SHROOM2: variants seen among roughly 807,000 people sequenced by gnomAD.
SHROOM2 encodes protein Shroom2.
SHROOM2 carries 33 observed loss-of-function variants against 75.9 expected under a neutral mutation model. The ratio of observed to expected loss-of-function variants is 0.43; its 90% CI spans 0.33 to 0.58. The LOEUF (loss-of-function observed/expected upper bound fraction) is 0.58. Ranked by LOEUF, SHROOM2 falls within the 20% of genes least tolerant of loss-of-function variation. The pLI, the probability that SHROOM2 is intolerant of heterozygous loss-of-function variation, is 0.04. For synonymous variants in SHROOM2, 655 were observed against 663.6 expected, an observed-to-expected ratio of 0.99 and a Z score of 0.20; for missense variants, 1,434 against 1,461.2, an observed-to-expected ratio of 0.98 and a Z score of 0.30.
At chrX:9,841,627 T>G (rs950045030) in intron 1 of SHROOM2, among the ~76,000 whole-genome samples, 5 of 111,742 alleles carry the variant, frequency 4.5e-5, no homozygotes, top group Non-Finnish European at 9.4e-5. Flanking sequence ...GCAGTTATAG[T>G]TGGAGGCCTT....
chrX:9,804,587 G>T (rs1029312217), intron 1 of SHROOM2, among the ~76,000 whole-genome samples: 1 of 111,534 alleles, frequency 9.0e-6, no homozygotes, highest in African/African-American at 3.3e-5. Context: ...CTCTGGAAAC[G>T]TGCCATCTGA....
intron 5 of SHROOM2, among the ~76,000 whole-genome samples, chrX:9,929,691 T>C (rs2084629255): frequency 8.9e-6 from 1 of 111,981 alleles, no homozygotes; most frequent in Non-Finnish European, 1.9e-5. Flanking sequence ...ACTTGGATTT[T>C]AGCAATAAAT....
intron 1 of SHROOM2, among the ~76,000 whole-genome samples, chrX:9,788,941 G>A (rs545317616): frequency 5.4e-5 from 6 of 110,976 alleles, no homozygotes; most frequent in Middle Eastern, 9.2e-3. Context: ...AATCTCTTTT[G>A]TTAGATTAAC....
chrX:9,907,897 A>G (rs915175657), intron 5 of SHROOM2, among the ~76,000 whole-genome samples: 1 of 111,824 alleles, frequency 8.9e-6, no homozygotes, highest in Non-Finnish European at 1.9e-5. Flanking sequence ...GATGGCTCCT[A>G]GGGCTGAAAA....
chrX:9,940,579 C>G (rs191234718), intron 8 of SHROOM2, among the ~76,000 whole-genome samples: 1 of 112,129 alleles, frequency 8.9e-6, no homozygotes, highest in Admixed American at 9.5e-5. Flanking sequence ...CATCCCAGCT[C>G]TCTATGGTGC....
At chrX:9,836,761 A>G (rs142070887) in intron 1 of SHROOM2, among the ~76,000 whole-genome samples, 4,182 of 111,219 alleles carry the variant, frequency 0.038, 85 homozygotes, top group Non-Finnish European at 0.06. Flanking sequence ...CATTTTAAGT[A>G]TACAATTCAG....
chrX:9,844,590 A>G (rs1430920677), intron 1 of SHROOM2, among the ~76,000 whole-genome samples: 2 of 111,490 alleles, frequency 1.8e-5, no homozygotes, highest in Non-Finnish European at 3.8e-5. Context: ...AGGTGGGCAG[A>G]TCACCTGAGG....
rs745426648 is a variant in SHROOM2 at position 9,845,782 on chromosome X, G to T, written c.166-27870G>T. Among the ~76,000 whole-genome samples the T allele has an allele frequency of 2.8e-5, 3 of 108,917 alleles. No individual in the cohort carries two copies. The East Asian group carries it at 8.7e-4, about 32-fold the overall frequency. The allele number at this position is 108,917 out of a possible 115,157, so 94.6% of individuals were successfully genotyped here. A position where few individuals can be genotyped will look rare whatever the true frequency, so the allele number is the denominator to read the frequency against. ...CATAATTCCTGGCAGCTGCAGTGTC[G>T]CAACCCCTTCCTCTACATTTTGTGG... On this transcript the variant is annotated intron_variant, in intron 1 of 9. Coordinates refer to ENST00000380913, the MANE Select transcript of SHROOM2 (RefSeq NM_001649.4).
chrX:9,943,191 A>G (rs1313078567), intron 8 of SHROOM2, among the ~76,000 whole-genome samples: 2 of 109,857 alleles, frequency 1.8e-5, no homozygotes, highest in Non-Finnish European at 3.8e-5. Context: ...ATGCCACTGC[A>G]CTCCAGCCTG....
At chrX:9,930,082 C>T (rs187016332) in intron 5 of SHROOM2, among the ~76,000 whole-genome samples, 78 of 111,641 alleles carry the variant, frequency 7.0e-4, no homozygotes, top group Non-Finnish European at 2.3e-4. Context: ...AGCGTGAAAA[C>T]GAACTAATAC....
rs185720649 is a variant in SHROOM2, at chrX:9,919,843, A to C, written c.2892-12332A>C. On this transcript the variant is annotated intron_variant, in intron 5 of 9. Coordinates refer to ENST00000380913, the MANE Select transcript of SHROOM2 (RefSeq NM_001649.4). Reference sequence around the variant, plus strand: ...CTACAACTCATCAGACTGACATCTCAAATCACTACAGCTCATCACAGAGTA... The same window carrying C: ...CTACAACTCATCAGACTGACATCTCCAATCACTACAGCTCATCACAGAGTA... Among the ~76,000 whole-genome samples the C allele has an allele frequency of 1.3e-4, 14 of 111,341 alleles. No individual in the cohort carries two copies. The Admixed American group carries it at 1.3e-3, about 11-fold the overall frequency.
At position 9,932,240 on chromosome X, in the gene SHROOM2, C is replaced by T; in HGVS notation, c.2957C>T (p.Ala986Val). 8.5e-7 allele frequency: 1 copy of T among 1,175,789 alleles called. No homozygotes were observed. Among genetic ancestry groups the T allele is most frequent in the South Asian group, 1.9e-5 (1 of 51,933 alleles). ...CAGCAGCACCCACCGAGTCAGAAGG[C>T]ACCGAACCCACCCACATTCTCTGAA... ...GSQQHPPSQK[A>V]PNPPTFSELS... The change falls in exon 6 of 10, where the codon GCA becomes GTA. Residue 986 changes from alanine (A) to valine (V), a missense_variant. Ala to Val is a moderately conservative substitution (Grantham distance 64, BLOSUM62 0). This residue lies in a region of SHROOM2 where 1,340 missense variants were observed against 1,338.3 expected (regional missense o/e 1.00). Transcript: ENST00000380913.
chrX:9,833,608 C>CTG (rs144161839), intron 1 of SHROOM2, among the ~76,000 whole-genome samples: 5,356 of 95,257 alleles, frequency 0.056, 251 homozygotes, highest in African/African-American at 0.16. Flanking sequence ...CAAGTAGACT[C>CTG]TGTGTGTGTG....
At chrX:9,804,141 T>G (rs1417931180) in intron 1 of SHROOM2, among the ~76,000 whole-genome samples, 4 of 111,478 alleles carry the variant, frequency 3.6e-5, no homozygotes, top group Non-Finnish European at 7.5e-5. Context: ...CCGTCTTCCT[T>G]TGACAACTCC....
chrX:9,836,323 C>T (rs1395606463), intron 1 of SHROOM2, among the ~76,000 whole-genome samples: 1 of 111,776 alleles, frequency 8.9e-6, no homozygotes, highest in African/African-American at 3.3e-5. Context: ...TCTGCAGGGC[C>T]TCAGAGATTG....
At chrX:9,897,570 G>A (rs5933781) in intron 4 of SHROOM2, among the ~76,000 whole-genome samples, 299 of 91,178 alleles carry the variant, frequency 3.3e-3, no homozygotes, top group African/African-American at 0.011. Flanking sequence ...AAAAAAAAAA[G>A]AAAAAAAAAA....
At chrX:9,925,302 A>G (rs991392792) in intron 5 of SHROOM2, among the ~76,000 whole-genome samples, 1 of 112,124 alleles carries the variant, frequency 8.9e-6, no homozygotes, top group African/African-American at 3.2e-5. Context: ...CCTGACCCGC[A>G]TTCTGAGGCC....
intron 5 of SHROOM2, among the ~76,000 whole-genome samples, chrX:9,924,638 G>A (rs893022489): frequency 6.5e-5 from 7 of 108,204 alleles, no homozygotes; most frequent in African/African-American, 2.4e-4. Context: ...TTGCAGGCAC[G>A]GGGCACCACA....
intron 5 of SHROOM2, among the ~76,000 whole-genome samples, chrX:9,908,970 A>AATAC (rs1489571854): frequency 9.1e-6 from 1 of 110,333 alleles, no homozygotes; most frequent in East Asian, 2.8e-4. Context: ...TAAATAAATA[A>AATAC]ATAAAAACAA....
Sources: allele counts gnomAD v4.1 joint callset (sites outside exome capture counted in the v4.1 genomes callset), GRCh38; gene constraint gnomAD v4.1.1; regional missense constraint gnomAD v4.1.1; transcripts MANE v1.5; gene names NCBI Gene and HGNC (gene_info 2026-07-23, HGNC 2026-07-21).